MAPRE2: variants seen among roughly 807,000 people sequenced by gnomAD.
MAPRE2 encodes microtubule-associated protein RP/EB family member 2.
In MAPRE2, 13 loss-of-function variants were observed where a neutral mutation model predicts 43.2. The ratio of observed to expected loss-of-function variants is 0.30; its 90% CI spans 0.20 to 0.48. The LOEUF (loss-of-function observed/expected upper bound fraction) is 0.48, where lower values mean the gene tolerates loss of function less well. MAPRE2 is among the 20% of genes least tolerant of loss of function. The pLI, the probability that MAPRE2 is intolerant of heterozygous loss-of-function variation, is 0.99. For missense variants in MAPRE2, 161 were observed against 400.2 expected (o/e 0.40, Z 5.10); for synonymous variants, 135 against 148.8 (o/e 0.91, Z 0.68).
chr18:34,987,317 GCA>G (rs2097021527), intron 1 of MAPRE2, among the ~76,000 whole-genome samples: 2 of 152,150 alleles, frequency 1.3e-5, no homozygotes, highest in Admixed American at 1.3e-4. Context: ...CCTAGATGAG[GCA>G]TCAGCATCAC....
intron 1 of MAPRE2, among the ~76,000 whole-genome samples, chr18:35,043,002 G>C (rs1783112435): frequency 6.6e-6 from 1 of 151,956 alleles, no homozygotes; most frequent in Non-Finnish European, 1.5e-5. Context: ...AATTTTGGCT[G>C]TGCCCATGAG....
At chr18:35,062,503 C>G (rs1247184116) in intron 1 of MAPRE2, among the ~76,000 whole-genome samples, 1 of 152,230 alleles carries the variant, frequency 6.6e-6, no homozygotes, top group Non-Finnish European at 1.5e-5. Flanking sequence ...CTCACTTTAC[C>G]TGCTATGCTG....
Position 35,041,441 on chromosome 18 carries a change from G to T in MAPRE2, c.-99G>T, listed in dbSNP as rs1018111517. ...AAGGCAGTGAGCGAGCAGGCGGCAG[G>T]CACGGTCCGTGCGGAGCAGGCGAGC... On this transcript the variant is annotated 5_prime_UTR_variant, in exon 1 of 7. Coordinates refer to ENST00000300249, the MANE Select transcript of MAPRE2 (RefSeq NM_014268.4). 1.9e-4 allele frequency: 297 copies of T among 1,594,360 alleles called. No homozygotes were observed. Among genetic ancestry groups the T allele is most frequent in the Non-Finnish European group, 5.8e-5 (68 of 1,170,300 alleles).
chr18:35,103,166 A>G (rs1231580516), intron 4 of MAPRE2, among the ~76,000 whole-genome samples: 1 of 152,186 alleles, frequency 6.6e-6, no homozygotes, highest in Non-Finnish European at 1.5e-5. Context: ...TTTTTTTAAT[A>G]TTTAAAAATA....
intron 6 of MAPRE2, among the ~76,000 whole-genome samples, chr18:35,137,567 A>G (rs1312009533): frequency 1.3e-5 from 2 of 152,264 alleles, no homozygotes; most frequent in East Asian, 1.9e-4. Flanking sequence ...GAAGTCTAAC[A>G]TGCACAGAAA....
intron 4 of MAPRE2, among the ~76,000 whole-genome samples, chr18:35,108,611 C>T (rs997769415): frequency 6.6e-6 from 1 of 152,152 alleles, no homozygotes; most frequent in Admixed American, 6.5e-5. Flanking sequence ...ATTCCTATTT[C>T]TCCACAGCCT....
intron 1 of MAPRE2, among the ~76,000 whole-genome samples, chr18:35,063,006 A>C (rs1448586385): frequency 6.6e-6 from 1 of 152,216 alleles, no homozygotes; most frequent in Non-Finnish European, 1.5e-5. Context: ...AGAGAAAAGA[A>C]AGACAGTCAC....
At chr18:35,005,042 G>C (rs968236592) in intron 1 of MAPRE2, among the ~76,000 whole-genome samples, 1 of 152,084 alleles carries the variant, frequency 6.6e-6, no homozygotes, top group Non-Finnish European at 1.5e-5. Flanking sequence ...GAAAAAGCCT[G>C]TGTTGATACT....
At chr18:35,076,698 T>C (rs1907373946) in intron 2 of MAPRE2, among the ~76,000 whole-genome samples, 2 of 152,324 alleles carry the variant, frequency 1.3e-5, no homozygotes, top group African/African-American at 4.8e-5. Flanking sequence ...TAAAGGATTT[T>C]CTTGATGATC....
At chr18:35,120,226 G>A (rs890308999) in intron 4 of MAPRE2, among the ~76,000 whole-genome samples, 1 of 152,046 alleles carries the variant, frequency 6.6e-6, no homozygotes, top group African/African-American at 2.4e-5. Flanking sequence ...TCATTCCCAC[G>A]AGATTGGTGT....
chr18:34,998,323 C>CTTTTTTTTTTT (rs11339291), intron 1 of MAPRE2, among the ~76,000 whole-genome samples: 1 of 120,738 alleles, frequency 8.3e-6, no homozygotes, highest in Admixed American at 8.6e-5. Flanking sequence ...TTTTCTCTCT[C>CTTTTTTTTTTT]TTTTTTTTTT....
chr18:35,094,102 G>A (rs28412725), intron 2 of MAPRE2, among the ~76,000 whole-genome samples: 578 of 152,210 alleles, frequency 3.8e-3, no homozygotes, highest in African/African-American at 0.012. Context: ...AAAAAATAGC[G>A]ACTTTGAATG....
intron 4 of MAPRE2, among the ~76,000 whole-genome samples, chr18:35,115,985 T>G (rs1235256040): frequency 6.6e-6 from 1 of 152,204 alleles, no homozygotes. Context: ...CAAATGTTTG[T>G]TGAAGCACTG....
chr18:35,116,201 A>G (rs1364618108), intron 4 of MAPRE2, among the ~76,000 whole-genome samples: 2 of 152,222 alleles, frequency 1.3e-5, no homozygotes, highest in Non-Finnish European at 1.5e-5. Context: ...TTAATGTATA[A>G]GTAGATGTTA....
intron 3 of MAPRE2, among the ~76,000 whole-genome samples, chr18:35,098,272 A>T (rs905401001): frequency 6.6e-6 from 1 of 152,186 alleles, no homozygotes; most frequent in African/African-American, 2.4e-5. Context: ...CTTATTTAGG[A>T]TATATCTCTT....
chr18:35,026,082 T>C (rs474881), intron 2 of MAPRE2, among the ~76,000 whole-genome samples: 49,428 of 151,930 alleles, frequency 0.33, 9,368 homozygotes, highest in African/African-American at 0.52. Context: ...TGTGAATTGA[T>C]TGTGAAGCAA....
intron 4 of MAPRE2, among the ~76,000 whole-genome samples, chr18:35,109,341 G>A (rs776681111): frequency 9.2e-5 from 14 of 152,200 alleles, no homozygotes; most frequent in Non-Finnish European, 1.9e-4. Context: ...CCAGTACCAT[G>A]TTGTTTTGGT....
intron 2 of MAPRE2, among the ~76,000 whole-genome samples, chr18:35,016,928 C>T (rs1026232023): frequency 6.6e-6 from 1 of 151,194 alleles, no homozygotes; most frequent in Non-Finnish European, 1.5e-5. Context: ...AGGATTCTTA[C>T]AAAGTCTTCA....
intron 1 of MAPRE2, among the ~76,000 whole-genome samples, chr18:35,058,561 A>G (rs1344628924): frequency 6.6e-6 from 1 of 152,142 alleles, no homozygotes; most frequent in African/African-American, 2.4e-5. Context: ...AGAGGCTTGA[A>G]CCTCAAATCT....
Sources: gnomAD v4.1 joint callset for allele counts (sites outside exome capture counted in the v4.1 genomes callset) on GRCh38, gnomAD v4.1.1 for gene constraint, MANE v1.5 for transcripts, NCBI Gene and HGNC (gene_info 2026-07-23, HGNC 2026-07-21) for gene names.